The following TAB3 variants were observed in gnomAD, a reference collection of about 807,000 sequenced individuals.
TAB3 encodes the protein TGF-beta-activated kinase 1 and MAP3K7-binding protein 3.
Under a neutral mutation model 48.1 loss-of-function variants are expected in TAB3, and 18 were observed. The ratio of observed to expected loss-of-function variants is 0.37; its 90% CI spans 0.26 to 0.55. TAB3 has a LOEUF of 0.55. TAB3 is among the 20% of genes least tolerant of loss of function. TAB3 has a pLI of 0.78. For synonymous variants in TAB3, 185 were observed against 190.2 expected, an observed-to-expected ratio of 0.97 and a Z score of 0.22; for missense variants, 414 against 549.8, an observed-to-expected ratio of 0.75 and a Z score of 2.47.
At chrX:30,886,297 T>A (rs752089026) in intron 1 of TAB3, among the ~76,000 whole-genome samples, 2 of 109,569 alleles carry the variant, frequency 1.8e-5, no homozygotes, top group African/African-American at 3.4e-5. Context: ...AAAGGCTTTA[T>A]TTACTTGGTA....
chrX:30,841,513 G>A (rs1228722527), intron 9 of TAB3, among the ~76,000 whole-genome samples: 1 of 98,717 alleles, frequency 1.0e-5, no homozygotes, highest in Non-Finnish European at 2.2e-5. Flanking sequence ...ATACTATGTT[G>A]CAACTTATAA....
At chrX:30,849,414 A>C (rs907594710) in intron 7 of TAB3, among the ~76,000 whole-genome samples, 1 of 112,488 alleles carries the variant, frequency 8.9e-6, no homozygotes, top group Non-Finnish European at 1.9e-5. Context: ...GCAACTTTCT[A>C]ATCAATTTTG....
At chrX:30,884,293 CTTTT>C (rs2147418153) in intron 1 of TAB3, among the ~76,000 whole-genome samples, 1 of 111,940 alleles carries the variant, frequency 8.9e-6, no homozygotes, top group South Asian at 3.7e-4. Context: ...AGAACTAACT[CTTTT>C]TGAGTATTCA....
At chrX:30,870,070 T>C (rs73617007) in intron 2 of TAB3, among the ~76,000 whole-genome samples, 25,976 of 111,155 alleles carry the variant, frequency 0.23, 2,307 homozygotes, top group Admixed American at 0.35. Context: ...TACCTTCTTC[T>C]AAATAGATGG....
At chrX:30,868,340 T>TTA (rs369498124) in intron 2 of TAB3, among the ~76,000 whole-genome samples, 4,670 of 5,925 alleles carry the variant, frequency 0.79, 1,950 homozygotes, top group Admixed American at 0.86. Flanking sequence ...ATATAAGCTT[T>TTA]TATATATATA....
chrX:30,877,083 T>C (rs1378954845), intron 1 of TAB3, among the ~76,000 whole-genome samples: 2 of 111,768 alleles, frequency 1.8e-5, no homozygotes, highest in Non-Finnish European at 3.8e-5. Context: ...AGCATCCTGA[T>C]GGAGGGGCAG....
Position 30,852,859 on chromosome X carries a change from C to A in TAB3, c.1629G>T (p.Leu543Phe), listed in dbSNP as rs749843951. 8.3e-7 allele frequency: 1 copy of A among 1,211,504 alleles called. No individual in the cohort carries two copies. The highest frequency in any genetic ancestry group is 1.1e-6 in the Non-Finnish European group (1 of 895,299). ...LKLEKEELER[L>F]KSEVNGMEHD... is the part of the protein sequence containing the mutation. ...GCTCCATACCATTAACTTCAGACTT[C>A]AACCGCTCTAGCTCCTCTTTCTCAA... The change falls in exon 7 of 11, where the codon TTG becomes TTT. Residue 543 changes from leucine (L) to phenylalanine (F), a missense_variant. Physicochemically the swap from Leu to Phe is conservative, Grantham distance 22. Transcript: ENST00000288422.
At chrX:30,877,302 T>G (rs1939870136) in intron 1 of TAB3, among the ~76,000 whole-genome samples, 1 of 111,834 alleles carries the variant, frequency 8.9e-6, no homozygotes, top group Non-Finnish European at 1.9e-5. Context: ...AGAGTTCATC[T>G]CCAGCAAACC....
chrX:30,874,303 G>C (rs1174085832), intron 1 of TAB3, among the ~76,000 whole-genome samples: 1 of 112,438 alleles, frequency 8.9e-6, no homozygotes, highest in Non-Finnish European at 1.9e-5. Flanking sequence ...TGTATTGTAT[G>C]TGCTGTATAA....
intron 9 of TAB3, chrX:30,835,533 T>C (rs974624423): frequency 1.8e-5 from 2 of 111,908 alleles, no homozygotes; most frequent in African/African-American, 6.5e-5. Flanking sequence ...AGTGCTCAGA[T>C]CGTGGGACAC....
intron 1 of TAB3, among the ~76,000 whole-genome samples, chrX:30,882,260 AATTT>A (rs1429398831): frequency 1.8e-5 from 2 of 112,449 alleles, no homozygotes; most frequent in East Asian, 2.8e-4. Flanking sequence ...ATACTAACTT[AATTT>A]ATTAAATCAA....
chrX:30,831,462 G>A lies in TAB3; in HGVS notation c.2104C>T (p.Arg702Cys), dbSNP rs749567654. 17 of 1,210,673 alleles carry A rather than the reference G, an allele frequency of 1.4e-5. No individual in the cohort carries two copies. In the Admixed American group the frequency reaches 2.0e-4, roughly 14 times the overall value. Residue 702 changes from arginine (R) to cysteine (C), a missense_variant, in exon 11 of 11, where the codon CGC becomes TGC. Transcript: ENST00000288422. Reference protein sequence around the residue: ...CTFLNHPALNRCEQCEMPRYT With the variant: ...CTFLNHPALNCCEQCEMPRYT ...CGTGGCATCTCGCACTGCTCACAGC[G>A]ATTTAGTGCTGGGTGGTTAAGAAAG...
rs1398236132 is a variant in TAB3 at position 30,828,713 on chromosome X, T to C, written c.*2714A>G. On this transcript the variant is annotated 3_prime_UTR_variant, in exon 11 of 11. Transcript: ENST00000288422. ...TATGTTACCAGATACATCAAACTAG[T>C]CATTTTAAAGAAACCTCTTACAAGA... 8.9e-6 allele frequency: 1 copy of C among 112,040 alleles called. No homozygotes were observed. The highest frequency in any genetic ancestry group is 3.2e-5 in the African/African-American group (1 of 30,824). 9.2% of individuals were successfully genotyped at this position (112,040 alleles called of 1,213,427 possible).
intron 2 of TAB3, among the ~76,000 whole-genome samples, chrX:30,867,921 T>C (rs959178776): frequency 2.8e-5 from 3 of 107,136 alleles, no homozygotes. Flanking sequence ...CATATAATTT[T>C]TTTTTTTTTT....
At chrX:30,868,576 T>G (rs1288279254) in intron 2 of TAB3, among the ~76,000 whole-genome samples, 1 of 12,941 alleles carries the variant, frequency 7.7e-5, no homozygotes, top group African/African-American at 6.0e-4. Context: ...CTTATATATA[T>G]ATATATATAT....
At chrX:30,848,062 T>C (rs902598058) in intron 7 of TAB3, among the ~76,000 whole-genome samples, 2 of 112,108 alleles carry the variant, frequency 1.8e-5, no homozygotes, top group South Asian at 3.7e-4. Flanking sequence ...CTCCAAACAG[T>C]GATGCTATCT....
intron 7 of TAB3, among the ~76,000 whole-genome samples, chrX:30,846,943 A>C (rs769026911): frequency 3.0e-4 from 33 of 111,512 alleles, no homozygotes; most frequent in African/African-American, 1.0e-3. Flanking sequence ...CACTGAGAAT[A>C]TTTTGTGTCT....
At chrX:30,884,132 A>G (rs1940066765) in intron 1 of TAB3, among the ~76,000 whole-genome samples, 1 of 111,531 alleles carries the variant, frequency 9.0e-6, no homozygotes, top group Non-Finnish European at 1.9e-5. Context: ...CTCTCCCTGA[A>G]CCTCTCAAAT....
At chrX:30,857,312 T>C (rs1939107348) in intron 5 of TAB3, among the ~76,000 whole-genome samples, 2 of 111,747 alleles carry the variant, frequency 1.8e-5, no homozygotes, top group Middle Eastern at 4.6e-3. Flanking sequence ...GAAAATCGTA[T>C]TGAGCAAGGA....
Sources: allele counts gnomAD v4.1 joint callset (sites outside exome capture counted in the v4.1 genomes callset), GRCh38; gene constraint gnomAD v4.1.1; transcripts MANE v1.5; gene names NCBI Gene and HGNC (gene_info 2026-07-23, HGNC 2026-07-21).